Variants in CFAP65 observed in about 807,000 individuals in gnomAD.
CFAP65 encodes the protein cilia- and flagella-associated protein 65.
Under a neutral mutation model 208.0 loss-of-function variants are expected in CFAP65, and 155 were observed. The ratio of observed to expected loss-of-function variants is 0.75; its 90% CI spans 0.65 to 0.85. The LOEUF (loss-of-function observed/expected upper bound fraction) is 0.85. Among genes scored for constraint, CFAP65 ranks in the 40% least tolerant of loss-of-function variants. The pLI is 0.00. For missense variants in CFAP65, 2,294 were observed against 2,451.3 expected (o/e 0.94, Z 1.36); for synonymous variants, 970 against 986.3 (o/e 0.98, Z 0.31).
intron 4 of CFAP65, among the ~76,000 whole-genome samples, chr2:219,036,561 T>C (rs149853324): frequency 0.016 from 2,490 of 152,172 alleles, 81 homozygotes; most frequent in African/African-American, 0.057. Context: ...TTTCTCGCCT[T>C]AGCTTCCCGA....
At position 219,004,041 on chromosome 2, in the gene CFAP65, G is replaced by A; in HGVS notation, c.5466C>T (p.Ser1822=). ...AGIGPTPQPE[S]QESMQWQWQQ... is the part of the protein sequence containing the mutation. Reference sequence around the variant, plus strand: ...GCCACTGCCATTGCATGGACTCCTGGGACTCAGGCTGTGGTGTGGGCCCGA... The same window carrying A: ...GCCACTGCCATTGCATGGACTCCTGAGACTCAGGCTGTGGTGTGGGCCCGA... Residue 1822 remains serine, a synonymous_variant, in exon 33 of 35, where the codon TCC becomes TCT. Coordinates refer to ENST00000341552, the MANE Select transcript of CFAP65 (RefSeq NM_194302.4). This position sits in a 1 kb window ranked among gnomAD's most constrained non-coding sequence, Gnocchi z 4.7. The A allele has an allele frequency of 6.2e-7, 1 of 1,613,980 alleles. No homozygotes were observed. Among genetic ancestry groups the A allele is most frequent in the Non-Finnish European group, 8.5e-7 (1 of 1,180,018 alleles).
In CFAP65 at chr2:219,032,146, C is replaced by A. The variant is rs545194398; in HGVS notation, c.645+324G>T. On this transcript the variant is annotated intron_variant, in intron 6 of 34. Transcript: ENST00000341552. The surrounding 1 kb of genome is among the most constrained non-coding windows in gnomAD (Gnocchi z 5.5). The stretch of plus-strand genomic sequence containing the variant: ...ATGTCGGCCAGGCTGGTCTCGAACT[C>A]CTGGCCTCAAGTGACCTGCCTGCCT... Among the ~76,000 whole-genome samples the A allele has an allele frequency of 1.6e-4, 25 of 152,244 alleles. No homozygotes were observed. The highest frequency in any genetic ancestry group is 1.5e-3 in the South Asian group (7 of 4,820).
At chr2:219,009,259 G>A (rs1290256068) in intron 28 of CFAP65, 88 bp downstream of exon 28, 3 of 1,451,872 alleles carry the variant, frequency 2.1e-6, no homozygotes, top group African/African-American at 1.4e-5. Flanking sequence ...CTTTTGCTGG[G>A]GTCTGGGGAT....
In CFAP65 at chr2:219,038,524, G is replaced by A. The variant is rs200125370; in HGVS notation, c.208C>T (p.Gln70Ter). The A allele has an allele frequency of 1.2e-6, 2 of 1,614,068 alleles. No homozygotes were observed. The highest frequency in any genetic ancestry group is 1.3e-5 in the African/African-American group (1 of 74,944). The change falls in exon 4 of 35, where the codon CAG becomes TAG. Residue 70 changes from glutamine (Q) to a stop codon, truncating the protein, a stop_gained. Coordinates refer to ENST00000341552, the MANE Select transcript of CFAP65 (RefSeq NM_194302.4). LOFTEE classifies it high-confidence loss of function. ...GACCTCACGACGGAGCTTGGAGCCT[G>A]GGTGAGCATCATGTCCTTGGGACAC... ...GLCPKDMMLTQAPSSVVRSRN... is the reference protein window; with the variant it reads ...GLCPKDMMLT
rs1337179552 is a variant in CFAP65, at chr2:219,026,216, C to G, written c.2212-57G>C. Reference sequence around the variant, plus strand: ...AGAGTCCTGTGTCTGCCCTGTGGGGCACCCCATTTTGCCCCTCCTTGCCCT... The same window carrying G: ...AGAGTCCTGTGTCTGCCCTGTGGGGGACCCCATTTTGCCCCTCCTTGCCCT... On this transcript the variant is annotated intron_variant, in intron 13 of 34. Transcript: ENST00000341552. 1.9e-6 allele frequency: 3 copies of G among 1,573,352 alleles called. No individual in the cohort carries two copies. In the African/African-American group the frequency reaches 4.0e-5, roughly 21 times the overall value.
chr2:219,036,381 T>A (rs1299618163), intron 4 of CFAP65, among the ~76,000 whole-genome samples: 3 of 151,418 alleles, frequency 2.0e-5, no homozygotes, highest in Non-Finnish European at 4.4e-5. Flanking sequence ...GGAGGGAGGA[T>A]GAACTGGATG....
rs1248614184 is a variant in CFAP65, at chr2:219,030,687, ACCGCCGACGGGTTGTGTAGCCTGATCTG to A, written c.1135_1161+1del. On this transcript the variant is annotated splice_donor_variant and coding_sequence_variant, in exon 9 of 35. Transcript: ENST00000341552. LOFTEE classifies it high-confidence loss of function. ...CTGCCGCCCCTCCTGCCTGGTGCCT[ACCGCCGACGGGTTGTGTAGCCTGATCTG>A]CCTCTCCGAGGTGCAGCCCACAGCA... The A allele has an allele frequency of 8.7e-6, 14 of 1,612,284 alleles. No homozygotes were observed. Among genetic ancestry groups the A allele is most frequent in the Non-Finnish European group, 1.2e-5 (14 of 1,178,930 alleles).
chr2:219,004,393 G>A lies in CFAP65; in HGVS notation c.5114C>T (p.Pro1705Leu), dbSNP rs948358337. 4.3e-6 allele frequency: 7 copies of A among 1,613,956 alleles called. No individual in the cohort carries two copies. The highest frequency in any genetic ancestry group is 2.2e-5 in the South Asian group (2 of 91,058). The change falls in exon 33 of 35, where the codon CCG (proline) becomes CTG (leucine). Residue 1705 changes from proline (P) to leucine (L), a missense_variant. Coordinates refer to ENST00000341552, the MANE Select transcript of CFAP65 (RefSeq NM_194302.4). This position sits in a 1 kb window ranked among gnomAD's most constrained non-coding sequence, Gnocchi z 4.7. ...AVDQSLVEQV[P>L]YFRQFWNEQS... ...CTCATTCCAGAATTGGCGGAAGTAC[G>A]GCACCTGCTCCACCAGGCTTTGGTC... is the stretch of plus-strand genomic sequence containing the variant.
Position 219,030,828 on chromosome 2 carries a change from C to G in CFAP65, c.1022G>C (p.Cys341Ser). 1 of 1,613,578 alleles carries G rather than the reference C, an allele frequency of 6.2e-7. No individual in the cohort carries two copies. The highest frequency in any genetic ancestry group is 8.5e-7 in the Non-Finnish European group (1 of 1,179,666). ...SSIQLQAVAK[C>S]AQLLVSIKHK... ...CTTTATGCTCACCAGCAGCTGGGCG[C>G]ACTTGGCTGGGGCAGAGATGGGGGA... is the stretch of plus-strand genomic sequence containing the variant. The change falls in exon 9 of 35, where the codon TGC becomes TCC. Residue 341 changes from cysteine (C) to serine (S), a missense_variant. Cys to Ser is a moderately radical substitution (Grantham distance 112, BLOSUM62 -1). Transcript: ENST00000341552.
At position 219,031,550 on chromosome 2, in the gene CFAP65, G is replaced by A. The variant is rs1948036665; in HGVS notation, c.754C>T (p.Gln252Ter). Residue 252 changes from glutamine (Q) to a stop codon, truncating the protein, a stop_gained, in exon 7 of 35, where the codon CAG (glutamine) becomes TAG (stop). Transcript: ENST00000341552. LOFTEE classifies it high-confidence loss of function. This position sits in a 1 kb window ranked among gnomAD's most constrained non-coding sequence, Gnocchi z 5.2. ...HRLICRPPSL[Q>*]LPMCAVGDTT... is the part of the protein sequence containing the mutation. ...TCTCCCACAGCACACATGGGCAGCT[G>A]CAGGGATGGTGGGCGGCAGATCAGC... The A allele has an allele frequency of 1.2e-6, 2 of 1,614,262 alleles. No individual in the cohort carries two copies. The highest frequency in any genetic ancestry group is 1.7e-6 in the Non-Finnish European group (2 of 1,180,048).
At chr2:219,010,408 C>A in intron 26 of CFAP65, 138 bp downstream of exon 26, 1 of 920,352 alleles carries the variant, frequency 1.1e-6, no homozygotes, top group Non-Finnish European at 1.6e-6. Context: ...GGGTGAGTTC[C>A]AAGGTCTCAT....
At chr2:219,006,320 GC>G in intron 30 of CFAP65, 97 bp from the exon 31 acceptor site, 1 of 1,482,904 alleles carries the variant, frequency 6.7e-7, no homozygotes, top group Non-Finnish European at 9.3e-7. Context: ...GGCTCTTTGG[GC>G]CACATAAGCG....
intron 12 of CFAP65, 26 bp downstream of exon 12, chr2:219,028,175 A>G (rs765126290): frequency 6.2e-7 from 1 of 1,610,990 alleles, no homozygotes; most frequent in East Asian, 2.2e-5. Flanking sequence ...TAGAGAAGGG[A>G]TATGCAGCTG....
chr2:219,022,009 G>A, intron 17 of CFAP65, 79 bp from the exon 18 acceptor site: 1 of 1,581,082 alleles, frequency 6.3e-7, no homozygotes, highest in Non-Finnish European at 8.6e-7. Flanking sequence ...CATTTTCAGA[G>A]CATCCCCCAA....
intron 21 of CFAP65, chr2:219,015,584 G>C (rs944952004): frequency 3.3e-5 from 5 of 152,378 alleles, no homozygotes; most frequent in South Asian, 4.1e-4. Context: ...TCAAACATAG[G>C]TGGGTGGAGA....
In CFAP65 at chr2:219,032,260, A is replaced by G. The variant is rs75396941; in HGVS notation, c.645+210T>C. 2.7e-3 allele frequency among the ~76,000 whole-genome samples: 404 copies of G among 152,164 alleles called. 2 individuals are homozygous for G. Among genetic ancestry groups the G allele is most frequent in the African/African-American group, 9.3e-3 (384 of 41,502 alleles). ...TTTCTGATGGCCAATATAATATCGCAGCCTTTACCCCCAGCATCTCCTGGG... is the reference window on the plus strand; with the variant it reads ...TTTCTGATGGCCAATATAATATCGCGGCCTTTACCCCCAGCATCTCCTGGG... On this transcript the variant is annotated intron_variant, in intron 6 of 34. Transcript: ENST00000341552. The surrounding 1 kb of genome is among the most constrained non-coding windows in gnomAD (Gnocchi z 5.5).
chr2:219,040,086 T>A (rs1948581685), intron 2 of CFAP65, among the ~76,000 whole-genome samples: 1 of 152,068 alleles, frequency 6.6e-6, no homozygotes, highest in Admixed American at 6.6e-5. Flanking sequence ...CAGGCTGGAG[T>A]GCAGTGGCAA....
intron 13 of CFAP65, chr2:219,026,406 G>T (rs1295123847): frequency 1.8e-5 from 7 of 383,324 alleles, no homozygotes; most frequent in Non-Finnish European, 2.8e-5. Flanking sequence ...GGTGGGGCTG[G>T]GATGTGAAAG....
intron 9 of CFAP65, 144 bp from the exon 10 acceptor site, chr2:219,030,352 C>T (rs1947934718): frequency 2.3e-6 from 2 of 880,854 alleles, no homozygotes; most frequent in Non-Finnish European, 3.6e-6. Context: ...GCCAGACTGC[C>T]TCCACCAGGA....
Sources: allele counts gnomAD v4.1 joint callset (sites outside exome capture counted in the v4.1 genomes callset), GRCh38; gene constraint gnomAD v4.1.1; non-coding constraint Gnocchi (gnomAD v3.1); transcripts MANE v1.5; gene names NCBI Gene and HGNC (gene_info 2026-07-23, HGNC 2026-07-21).